CHRM3: variants seen among roughly 807,000 people sequenced by gnomAD.
The protein encoded by CHRM3 is muscarinic acetylcholine receptor M3.
CHRM3 carries 11 observed loss-of-function variants against 41.8 expected under a neutral mutation model. The observed-to-expected ratio is 0.26, with a 90% CI of 0.17 to 0.44. CHRM3 has a LOEUF of 0.44. Ranked by LOEUF, CHRM3 falls within the 20% of genes least tolerant of loss-of-function variation. The probability of loss-of-function intolerance (pLI) is 1.00; values close to 1 mark genes in which losing one functional copy is unlikely to be tolerated. For synonymous variants in CHRM3, 297 were observed against 301.4 expected (o/e 0.99, Z 0.15); for missense variants, 571 against 745.4 (o/e 0.77, Z 2.72).
rs369128348 is a variant in CHRM3 at position 239,862,104 on chromosome 1, C to T, written c.-20+34726C>T. ...AAGGGTTTGCTTGTTTTAACTAAGG[C>T]TGCAAAATTAGGGAAGAGGTTGCAA... On this transcript the variant is annotated intron_variant, in intron 6 of 6. Coordinates refer to ENST00000676153, the MANE Select transcript of CHRM3 (RefSeq NM_001375978.1). Among the ~76,000 whole-genome samples, 5 of 152,242 alleles carry T rather than the reference C, an allele frequency of 3.3e-5. No homozygotes were observed. The East Asian group carries it at 5.8e-4, about 18-fold the overall frequency.
chr1:239,582,668 C>A (rs1302247887), intron 3 of CHRM3, among the ~76,000 whole-genome samples: 1 of 152,090 alleles, frequency 6.6e-6, no homozygotes, highest in Non-Finnish European at 1.5e-5. Context: ...TTAAGTTGAT[C>A]TCTTCAATAC....
At chr1:239,813,853 C>G (rs1671331673) in intron 5 of CHRM3, among the ~76,000 whole-genome samples, 1 of 134,062 alleles carries the variant, frequency 7.5e-6, no homozygotes, top group Non-Finnish European at 1.5e-5. Flanking sequence ...GGAGGCGGAG[C>G]TTGCAGTGAG....
intron 6 of CHRM3, among the ~76,000 whole-genome samples, chr1:239,836,413 T>C (rs1673320362): frequency 6.6e-6 from 1 of 152,184 alleles, no homozygotes; most frequent in South Asian, 2.1e-4. Flanking sequence ...AGAATATAAA[T>C]GTATTTCAAT....
At chr1:239,726,276 G>A (rs2148382214) in intron 5 of CHRM3, among the ~76,000 whole-genome samples, 1 of 151,986 alleles carries the variant, frequency 6.6e-6, no homozygotes, top group Admixed American at 6.6e-5. Context: ...GTCTGTGTAG[G>A]TTTTACGCAT....
At chr1:239,534,615 C>A (rs1306339510) in intron 2 of CHRM3, among the ~76,000 whole-genome samples, 3 of 152,108 alleles carry the variant, frequency 2.0e-5, no homozygotes, top group Non-Finnish European at 4.4e-5. Flanking sequence ...AAACAGAAAA[C>A]AAAGACAAGT....
At chr1:239,872,695 A>C (rs2149328135) in intron 6 of CHRM3, among the ~76,000 whole-genome samples, 1 of 152,344 alleles carries the variant, frequency 6.6e-6, no homozygotes, top group African/African-American at 2.4e-5. Context: ...AGCAGGAAGT[A>C]GAAAAATCCG....
intron 1 of CHRM3, among the ~76,000 whole-genome samples, chr1:239,434,207 C>G (rs115699665): frequency 7.6e-4 from 116 of 152,274 alleles, no homozygotes; most frequent in African/African-American, 2.6e-3. Context: ...CTCAGTTACA[C>G]TTTTGCCCTT....
intron 3 of CHRM3, among the ~76,000 whole-genome samples, chr1:239,559,658 A>G (rs1660683403): frequency 6.6e-6 from 1 of 152,182 alleles, no homozygotes; most frequent in African/African-American, 2.4e-5. Flanking sequence ...GAAGCTGGCC[A>G]ATATTTCTTG....
At chr1:239,459,831 G>A (rs1665221382) in intron 1 of CHRM3, among the ~76,000 whole-genome samples, 1 of 152,148 alleles carries the variant, frequency 6.6e-6, no homozygotes, top group African/African-American at 2.4e-5. Flanking sequence ...CCCTGAAGAA[G>A]TAATGTAAAT....
chr1:239,642,406 T>G (rs541586583), intron 4 of CHRM3, among the ~76,000 whole-genome samples: 1 of 152,306 alleles, frequency 6.6e-6, no homozygotes, highest in East Asian at 1.9e-4. Flanking sequence ...GGTACACCAA[T>G]CAGATGTAGA....
chr1:239,561,984 A>C (rs1254282122), intron 3 of CHRM3, among the ~76,000 whole-genome samples: 1 of 152,148 alleles, frequency 6.6e-6, no homozygotes, highest in Non-Finnish European at 1.5e-5. Flanking sequence ...CCCGTCGTCC[A>C]TTGTACGGGA....
At chr1:239,390,249 T>C (rs894879959) in intron 1 of CHRM3, among the ~76,000 whole-genome samples, 2 of 152,204 alleles carry the variant, frequency 1.3e-5, no homozygotes, top group Admixed American at 6.5e-5. Flanking sequence ...TTGTTTAATA[T>C]AGTGTTTTCC....
intron 5 of CHRM3, among the ~76,000 whole-genome samples, chr1:239,738,745 CTT>C (rs1363493103): frequency 8.5e-5 from 13 of 152,178 alleles, no homozygotes; most frequent in African/African-American, 2.7e-4. Flanking sequence ...CATTTGAACA[CTT>C]TTTCTGCTCC....
chr1:239,773,118 T>A (rs943769212), intron 5 of CHRM3, among the ~76,000 whole-genome samples: 2 of 152,118 alleles, frequency 1.3e-5, no homozygotes, highest in African/African-American at 2.4e-5. Flanking sequence ...CAACATACAC[T>A]CATATGTCAA....
rs1210509707 is a variant in CHRM3, at chr1:239,748,631, C to T, written c.-147+70343C>T. The stretch of plus-strand genomic sequence containing the variant: ...AATCAATTTGTGTATATCTTGCTTT[C>T]TTGTTACCTCAATGTTAGGAAGGAA... On this transcript the variant is annotated intron_variant, in intron 5 of 6. Coordinates refer to ENST00000676153, the MANE Select transcript of CHRM3 (RefSeq NM_001375978.1). The surrounding 1 kb of genome is among the most constrained non-coding windows in gnomAD (Gnocchi z 4.3). Among the ~76,000 whole-genome samples the T allele has an allele frequency of 6.6e-6, 1 of 152,146 alleles. No homozygotes were observed. Among genetic ancestry groups the T allele is most frequent in the African/African-American group, 2.4e-5 (1 of 41,430 alleles).
intron 2 of CHRM3, among the ~76,000 whole-genome samples, chr1:239,524,975 A>T (rs530751311): frequency 6.6e-6 from 1 of 152,240 alleles, no homozygotes; most frequent in African/African-American, 2.4e-5. Context: ...AAATTCAAGC[A>T]TTCCAATCTG....
At chr1:239,420,391 A>T (rs929112675) in intron 1 of CHRM3, among the ~76,000 whole-genome samples, 9 of 152,168 alleles carry the variant, frequency 5.9e-5, no homozygotes, top group Non-Finnish European at 1.0e-4. Context: ...CCCCTTGCAG[A>T]GTGTCTGAGA....
intron 6 of CHRM3, among the ~76,000 whole-genome samples, chr1:239,876,244 C>T (rs73131038): frequency 0.048 from 7,375 of 152,304 alleles, 651 homozygotes; most frequent in African/African-American, 0.17. Flanking sequence ...TAATTATACA[C>T]AGACATAGTC....
At chr1:239,481,827 T>C (rs1390907654) in intron 1 of CHRM3, among the ~76,000 whole-genome samples, 2 of 152,096 alleles carry the variant, frequency 1.3e-5, no homozygotes, top group Non-Finnish European at 2.9e-5. Flanking sequence ...AGTACAGCTA[T>C]GTGTTGGAGT....
Sources: allele counts gnomAD v4.1 joint callset (sites outside exome capture counted in the v4.1 genomes callset), GRCh38; gene constraint gnomAD v4.1.1; non-coding constraint Gnocchi (gnomAD v3.1); transcripts MANE v1.5; gene names NCBI Gene and HGNC (gene_info 2026-07-23, HGNC 2026-07-21).